Variants in LAMTOR5 observed in about 807,000 individuals in gnomAD.
LAMTOR5 encodes late endosomal/lysosomal adaptor, MAPK and MTOR activator 5.
Under a neutral mutation model 12.1 loss-of-function variants are expected in LAMTOR5, and 8 were observed. That is an observed-to-expected ratio of 0.66 (90% CI 0.39 to 1.19). The LOEUF (loss-of-function observed/expected upper bound fraction) is 1.19. Ranked by LOEUF, LAMTOR5 falls within the 50% of genes most tolerant of loss-of-function variation. The pLI is 0.01. For synonymous variants in LAMTOR5, 37 were observed against 41.9 expected (o/e 0.88, Z 0.45); for missense variants, 110 against 112.8 (o/e 0.97, Z 0.11).
chr1:110,407,533 C>A, intron 1 of LAMTOR5, 53 bp downstream of exon 1: 1 of 1,586,860 alleles, frequency 6.3e-7, no homozygotes, highest in South Asian at 1.1e-5. Context: ...TCGTTCCGCT[C>A]AAGTTCCTCC....
At chr1:110,407,122 A>G (rs1663347584) in intron 1 of LAMTOR5, 2 of 651,028 alleles carry the variant, frequency 3.1e-6, no homozygotes, top group African/African-American at 3.6e-5. Context: ...TGAATTTTAC[A>G]TAGATACTGC....
intron 2 of LAMTOR5, among the ~76,000 whole-genome samples, 179 bp downstream of exon 2, chr1:110,406,139 A>G (rs953941805): frequency 3.3e-5 from 5 of 152,242 alleles, no homozygotes; most frequent in Non-Finnish European, 5.9e-5. Context: ...CTTCATAAAT[A>G]CCAACTGAAA....
chr1:110,403,632 G>T (rs1034180569), intron 3 of LAMTOR5: 1 of 237,922 alleles, frequency 4.2e-6, no homozygotes, highest in Non-Finnish European at 8.0e-6. Flanking sequence ...AAAAAAAAAA[G>T]TAATTTTTAT....
chr1:110,407,626 C>T lies in LAMTOR5; in HGVS notation c.-6G>A. On this transcript the variant is annotated 5_prime_UTR_variant, in exon 1 of 4. Transcript: ENST00000602318. ...TGCTCCAAGGTCGCCTCCATCCCAC[C>T]CACCGACCACTCCGGCTCAGAACCC... 1 of 1,614,222 alleles carries T rather than the reference C, an allele frequency of 6.2e-7. No homozygotes were observed. Among genetic ancestry groups the T allele is most frequent in the Non-Finnish European group, 8.5e-7 (1 of 1,180,034 alleles).
In LAMTOR5 at chr1:110,401,355, G is replaced by A. The variant is rs1305922008; in HGVS notation, c.*168C>T. ...ATCCTTTCTTACTAATATCTTGATA[G>A]TCGGTCCATAGAGCATTAGAAAGCA... is the stretch of plus-strand genomic sequence containing the variant. On this transcript the variant is annotated 3_prime_UTR_variant, in exon 4 of 4. Coordinates refer to ENST00000602318, the MANE Select transcript of LAMTOR5 (RefSeq NM_001382293.1). 7.6e-6 allele frequency: 4 copies of A among 524,718 alleles called. No individual in the cohort carries two copies. The highest frequency in any genetic ancestry group is 1.3e-5 in the Non-Finnish European group (4 of 308,410). The allele number at this position is 524,718 out of a possible 1,614,324, so 32.5% of individuals were successfully genotyped here.
At chr1:110,401,667 A>T in intron 3 of LAMTOR5, 84 bp from the exon 4 acceptor site, 2 of 1,395,772 alleles carry the variant, frequency 1.4e-6, no homozygotes, top group Non-Finnish European at 2.0e-6. Flanking sequence ...GCTTTAGGAT[A>T]CAATATTTAA....
In LAMTOR5 at chr1:110,407,568, G is replaced by C. The variant is rs776369665; in HGVS notation, c.35+18C>G. 3 of 1,610,206 alleles carry C rather than the reference G, an allele frequency of 1.9e-6. No homozygotes were observed. Among genetic ancestry groups the C allele is most frequent in the Non-Finnish European group, 2.5e-6 (3 of 1,177,028 alleles). ...CGCCGCGACCTCAGGACAGGCCGAAGAGGCGCGCACTACTCACGTGTCTTC... is the reference window on the plus strand; with the variant it reads ...CGCCGCGACCTCAGGACAGGCCGAACAGGCGCGCACTACTCACGTGTCTTC... On this transcript the variant is annotated intron_variant, in intron 1 of 3. Coordinates refer to ENST00000602318, the MANE Select transcript of LAMTOR5 (RefSeq NM_001382293.1).
intron 3 of LAMTOR5, among the ~76,000 whole-genome samples, chr1:110,401,902 C>CA (rs1302862507): frequency 1.3e-5 from 2 of 152,150 alleles, no homozygotes; most frequent in Admixed American, 1.3e-4. Context: ...AATCCTGCTT[C>CA]AGCCACCTCA....
At chr1:110,406,023 A>T (rs1271738913) in intron 2 of LAMTOR5, among the ~76,000 whole-genome samples, 1 of 152,258 alleles carries the variant, frequency 6.6e-6, no homozygotes. Context: ...AATGGTTAAC[A>T]GCTGTTATTA....
Position 110,401,582 on chromosome 1 carries a change from T to C in LAMTOR5, c.217A>G (p.Asn73Asp), listed in dbSNP as rs1242076924. ...CCATCGTGTTTCTGGATCATAATGTTCCTGAAATGCAGGAAGAAAATATTC... is the reference window on the plus strand; with the variant it reads ...CCATCGTGTTTCTGGATCATAATGTCCCTGAAATGCAGGAAGAAAATATTC... ...PVVCLESDNG[N>D]IMIQKHDGIT... The change falls in exon 4 of 4, where the codon AAC (asparagine) becomes GAC (aspartate). Residue 73 changes from asparagine (N) to aspartate (D), a missense_variant and splice_region_variant. Asn to Asp is a conservative substitution (Grantham distance 23). Coordinates refer to ENST00000602318, the MANE Select transcript of LAMTOR5 (RefSeq NM_001382293.1). 6.2e-7 allele frequency: 1 copy of C among 1,602,678 alleles called. No homozygotes were observed.
At chr1:110,406,858 T>C (rs561756743) in intron 1 of LAMTOR5, 8 of 433,324 alleles carry the variant, frequency 1.8e-5, no homozygotes, top group Admixed American at 1.7e-4. Context: ...TTCTAGTTAA[T>C]TAATTGAAAT....
intron 2 of LAMTOR5, 105 bp downstream of exon 2, chr1:110,406,213 G>A: frequency 1.5e-6 from 1 of 678,650 alleles, no homozygotes; most frequent in Admixed American, 3.0e-5. Context: ...GAAAGACCTG[G>A]CAAGGTAACA....
intron 3 of LAMTOR5, among the ~76,000 whole-genome samples, chr1:110,403,203 T>C (rs182473570): frequency 6.0e-4 from 87 of 146,196 alleles, no homozygotes; most frequent in Non-Finnish European, 1.5e-4. Flanking sequence ...CATGACTGTA[T>C]GTTTTTTCTT....
chr1:110,401,599 A>G lies in LAMTOR5; in HGVS notation c.216-16T>C. 1 of 1,599,508 alleles carries G rather than the reference A, an allele frequency of 6.3e-7. No homozygotes were observed. Among genetic ancestry groups the G allele is most frequent in the Non-Finnish European group, 8.6e-7 (1 of 1,167,892 alleles). On this transcript the variant is annotated splice_polypyrimidine_tract_variant and intron_variant, in intron 3 of 3. Coordinates refer to ENST00000602318, the MANE Select transcript of LAMTOR5 (RefSeq NM_001382293.1). ...CATAATGTTCCTGAAATGCAGGAAG[A>G]AAATATTCAGTAAAACGTAATCAGT...
chr1:110,406,366 A>T lies in LAMTOR5; in HGVS notation c.49T>A (p.Ser17Thr), dbSNP rs148123151. ...QHLEDTMKNP[S>T]IVGVLCTDSQ... The stretch of plus-strand genomic sequence containing the variant: ...TCTGTGCACAGGACTCCAACAATGG[A>T]GGGATTCTTCATTCTAATTCCAGGA... The change falls in exon 2 of 4, where the codon TCC becomes ACC. Residue 17 changes from serine to threonine, a missense_variant. Coordinates refer to ENST00000602318, the MANE Select transcript of LAMTOR5 (RefSeq NM_001382293.1). 4 of 1,609,554 alleles carry T rather than the reference A, an allele frequency of 2.5e-6. No individual in the cohort carries two copies. In the South Asian group the frequency reaches 3.3e-5, roughly 13 times the overall value.
chr1:110,407,271 C>T (rs1663352555), intron 1 of LAMTOR5: 1 of 579,040 alleles, frequency 1.7e-6, no homozygotes, highest in Non-Finnish European at 3.1e-6. Context: ...AAAGTCAACC[C>T]GTTTTCTAAA....
chr1:110,406,934 AAC>A, intron 1 of LAMTOR5: 1 of 546,882 alleles, frequency 1.8e-6, no homozygotes, highest in Non-Finnish European at 3.3e-6. Context: ...GAGGGCCACA[AAC>A]ACTGCGTGAA....
upstream of LAMTOR5, chr1:110,407,840 G>T (rs11102099): frequency 6.2e-7 from 1 of 1,613,606 alleles, no homozygotes; most frequent in Non-Finnish European, 8.5e-7. Context: ...CGCGGTGACC[G>T]TCGAGGTGAC....
intron 3 of LAMTOR5, among the ~76,000 whole-genome samples, chr1:110,402,673 C>G (rs1008716989): frequency 9.2e-5 from 14 of 152,140 alleles, no homozygotes; most frequent in African/African-American, 3.4e-4. Flanking sequence ...GATGACAACT[C>G]CATGCATGTT....
Sources: gnomAD v4.1 joint callset for allele counts (sites outside exome capture counted in the v4.1 genomes callset) on GRCh38, gnomAD v4.1.1 for gene constraint, MANE v1.5 for transcripts, NCBI Gene and HGNC (gene_info 2026-07-23, HGNC 2026-07-21) for gene names.